The following MYO3B variants were observed in gnomAD, a reference collection of about 807,000 sequenced individuals.
MYO3B encodes myosin-IIIb.
A neutral mutation model predicts 174.6 loss-of-function variants in MYO3B; 156 were observed. The observed-to-expected ratio is 0.89, with a 90% CI of 0.78 to 1.02. The LOEUF is 1.02. Ranked by LOEUF, MYO3B falls within the 50% of genes least tolerant of loss-of-function variation. MYO3B has a pLI of 0.00. For missense variants in MYO3B, 1,632 were observed against 1,639.4 expected, an observed-to-expected ratio of 1.00 and a Z score of 0.08; for synonymous variants, 563 against 569.1, an observed-to-expected ratio of 0.99 and a Z score of 0.15.
At position 170,255,307 on chromosome 2, in the gene MYO3B, G is replaced by GACT. The variant is rs2093295021; in HGVS notation, c.749+19172_749+19174dup. Among the ~76,000 whole-genome samples the GACT allele has an allele frequency of 2.6e-5, 4 of 151,126 alleles. No individual in the cohort carries two copies. In the South Asian group the frequency reaches 8.3e-4, roughly 31 times the overall value. ...GAGGCTCCCTCAAAACCCAGGAGTG[G>GACT]ACTTAGTAAGGGAGTCATCTCTTGT... On this transcript the variant is annotated intron_variant, in intron 7 of 34. Coordinates refer to ENST00000408978, the MANE Select transcript of MYO3B (RefSeq NM_138995.5).
chr2:170,425,797 A>G (rs1308640770), intron 22 of MYO3B, among the ~76,000 whole-genome samples: 3 of 152,204 alleles, frequency 2.0e-5, no homozygotes, highest in African/African-American at 7.2e-5. Context: ...TAATTGGAGC[A>G]TCTTGATAGG....
chr2:170,540,666 A>C (rs1260272888), intron 30 of MYO3B, among the ~76,000 whole-genome samples: 6 of 144,682 alleles, frequency 4.1e-5, no homozygotes, highest in Non-Finnish European at 9.2e-5. Context: ...AAAAAACAAC[A>C]AAAAAAACAA....
At chr2:170,601,111 C>T (rs749111740) in intron 32 of MYO3B, among the ~76,000 whole-genome samples, 41 of 152,082 alleles carry the variant, frequency 2.7e-4, no homozygotes, top group Non-Finnish European at 1.9e-4. Context: ...GCAAAAGCTT[C>T]CCCTCAAGAA....
intron 22 of MYO3B, among the ~76,000 whole-genome samples, chr2:170,438,056 TCA>T (rs2094769148): frequency 6.6e-6 from 1 of 152,136 alleles, no homozygotes; most frequent in Admixed American, 6.6e-5. Context: ...TGACTAAAAC[TCA>T]ATACCCACTG....
intron 32 of MYO3B, among the ~76,000 whole-genome samples, chr2:170,549,272 A>G (rs377190038): frequency 4.6e-5 from 7 of 152,294 alleles, no homozygotes; most frequent in African/African-American, 9.6e-5. Flanking sequence ...TACAGGGAGT[A>G]TACCTTAATC....
chr2:170,316,188 G>A lies in MYO3B; in HGVS notation c.750-19197G>A, dbSNP rs551242614. ...CATATGCATATAGACACATATAAAT[G>A]TGTGTGTATTAATGAAGTATATGTA... On this transcript the variant is annotated intron_variant, in intron 7 of 34. Coordinates refer to ENST00000408978, the MANE Select transcript of MYO3B (RefSeq NM_138995.5). Among the ~76,000 whole-genome samples, 4 of 152,308 alleles carry A rather than the reference G, an allele frequency of 2.6e-5. No individual in the cohort carries two copies. In the South Asian group the frequency reaches 8.3e-4, roughly 32 times the overall value.
At chr2:170,383,245 G>T in intron 11 of MYO3B, 56 bp downstream of exon 11, 1 of 1,049,558 alleles carries the variant, frequency 9.5e-7, no homozygotes, top group South Asian at 1.4e-5. Flanking sequence ...AACTCACAAG[G>T]GCAAATGAAG....
At chr2:170,216,685 A>G (rs2092832212) in intron 5 of MYO3B, among the ~76,000 whole-genome samples, 1 of 152,230 alleles carries the variant, frequency 6.6e-6, no homozygotes, top group African/African-American at 2.4e-5. Flanking sequence ...AAGATAAGGC[A>G]CTGAAATCTT....
chr2:170,238,837 A>G (rs1245370459), intron 7 of MYO3B, among the ~76,000 whole-genome samples: 4 of 152,202 alleles, frequency 2.6e-5, no homozygotes, highest in African/African-American at 9.7e-5. Flanking sequence ...TTGCCTGTAC[A>G]TGGGTCTCCT....
chr2:170,204,719 C>T (rs1379793122), intron 3 of MYO3B, among the ~76,000 whole-genome samples: 2 of 152,158 alleles, frequency 1.3e-5, no homozygotes, highest in East Asian at 1.9e-4. Flanking sequence ...AATGAAAACA[C>T]ACTTCTGTAT....
intron 8 of MYO3B, among the ~76,000 whole-genome samples, chr2:170,365,141 G>C (rs544166962): frequency 3.3e-5 from 5 of 152,064 alleles, no homozygotes; most frequent in African/African-American, 9.7e-5. Context: ...GTATTGTTTC[G>C]TACGTTGTAC....
intron 32 of MYO3B, among the ~76,000 whole-genome samples, chr2:170,626,253 A>G (rs902114739): frequency 6.6e-6 from 1 of 152,170 alleles, no homozygotes; most frequent in Non-Finnish European, 1.5e-5. Context: ...CTGGGTGCAT[A>G]TATATTTAGG....
chr2:170,385,996 G>A (rs926121769), intron 12 of MYO3B, 193 bp from the exon 13 acceptor site: 23 of 485,508 alleles, frequency 4.7e-5, no homozygotes, highest in Middle Eastern at 3.9e-4. Flanking sequence ...ACAGATTATG[G>A]TACATATGTA....
chr2:170,625,985 A>G (rs1433974431), intron 32 of MYO3B, among the ~76,000 whole-genome samples: 2 of 151,636 alleles, frequency 1.3e-5, no homozygotes, highest in African/African-American at 2.4e-5. Context: ...TATGTGGTCA[A>G]TTTTGGAATA....
intron 28 of MYO3B, among the ~76,000 whole-genome samples, chr2:170,502,837 T>G (rs1468604163): frequency 6.6e-6 from 1 of 152,322 alleles, no homozygotes; most frequent in African/African-American, 2.4e-5. Context: ...AAGTCCCTCC[T>G]CGGAACCTGG....
At chr2:170,463,340 A>G (rs1684425280) in intron 23 of MYO3B, 28 bp from the exon 24 acceptor site, 1 of 1,609,868 alleles carries the variant, frequency 6.2e-7, no homozygotes. Flanking sequence ...TAGATCCTCA[A>G]ACCACTTGCC....
In MYO3B at chr2:170,654,898, A is replaced by G. The variant is rs1455166096; in HGVS notation, c.*1777A>G. 6.6e-6 allele frequency: 1 copy of G among 151,782 alleles called. No homozygotes were observed. Among genetic ancestry groups the G allele is most frequent in the African/African-American group, 2.4e-5 (1 of 41,436 alleles). 9.4% of individuals were successfully genotyped at this position (151,782 alleles called of 1,614,324 possible). ...AAAAGGTAATGTTTATAAGTAGAGCAGAAAAAATGCAGATAAATTTTATTT... is the reference window on the plus strand; with the variant it reads ...AAAAGGTAATGTTTATAAGTAGAGCGGAAAAAATGCAGATAAATTTTATTT... On this transcript the variant is annotated 3_prime_UTR_variant, in exon 35 of 35. Transcript: ENST00000408978.
intron 7 of MYO3B, among the ~76,000 whole-genome samples, chr2:170,251,324 G>A (rs2093251073): frequency 6.6e-6 from 1 of 152,214 alleles, no homozygotes; most frequent in African/African-American, 2.4e-5. Context: ...ACAAATAAGT[G>A]GCAGAGGGCA....
chr2:170,186,442 T>G (rs369901850), intron 1 of MYO3B, among the ~76,000 whole-genome samples: 82 of 152,370 alleles, frequency 5.4e-4, no homozygotes, highest in African/African-American at 1.9e-3. Flanking sequence ...TTGCATATGT[T>G]GAACCATACT....
Sources: allele counts gnomAD v4.1 joint callset (sites outside exome capture counted in the v4.1 genomes callset), GRCh38; gene constraint gnomAD v4.1.1; transcripts MANE v1.5; gene names NCBI Gene and HGNC (gene_info 2026-07-23, HGNC 2026-07-21).